LRRC7: variants seen among roughly 807,000 people sequenced by gnomAD.
The protein encoded by LRRC7 is leucine rich repeat containing 7, also known as leucine-rich repeat-containing protein 7.
Under a neutral mutation model 175.7 loss-of-function variants are expected in LRRC7, and 23 were observed. The ratio of observed to expected loss-of-function variants is 0.13; its 90% CI spans 0.09 to 0.19. The LOEUF (loss-of-function observed/expected upper bound fraction) is 0.19, where lower values mean the gene tolerates loss of function less well. LRRC7 is among the 10% of genes least tolerant of loss of function. The pLI is 1.00. For synonymous variants in LRRC7, 685 were observed against 680.9 expected (o/e 1.01, Z -0.09); for missense variants, 1,354 against 1,904.7 (o/e 0.71, Z 5.38).
At chr1:70,030,328 C>G (rs1224599319) in intron 18 of LRRC7, among the ~76,000 whole-genome samples, 2 of 152,166 alleles carry the variant, frequency 1.3e-5, no homozygotes, top group Non-Finnish European at 2.9e-5. Flanking sequence ...CCTTTCCTAG[C>G]TTTCTTCTAC....
At chr1:69,621,783 C>A (rs1650652753) in intron 1 of LRRC7, among the ~76,000 whole-genome samples, 1 of 152,156 alleles carries the variant, frequency 6.6e-6, no homozygotes, top group Non-Finnish European at 1.5e-5. Context: ...TTTCCCTAAA[C>A]CCTTACTGGA....
intron 2 of LRRC7, among the ~76,000 whole-genome samples, chr1:69,733,799 G>A (rs1379808691): frequency 6.6e-6 from 1 of 151,910 alleles, no homozygotes; most frequent in Non-Finnish European, 1.5e-5. Context: ...AAGGCATTTG[G>A]CTCTCTGCAT....
chr1:70,088,213 T>C (rs899710603), intron 24 of LRRC7, among the ~76,000 whole-genome samples: 2 of 152,194 alleles, frequency 1.3e-5, no homozygotes, highest in Admixed American at 6.6e-5. Context: ...ATCTTTTGCC[T>C]GCTAACCTTT....
intron 1 of LRRC7, among the ~76,000 whole-genome samples, chr1:69,641,326 CTTTAAG>C (rs1316802986): frequency 7.3e-5 from 11 of 151,576 alleles, no homozygotes; most frequent in Admixed American, 7.2e-4. Context: ...ATGGGCAGTA[CTTTAAG>C]TTTGTCTTCT....
chr1:69,700,474 T>TAGAAGAACAC (rs985193515), intron 2 of LRRC7, among the ~76,000 whole-genome samples: 2 of 152,222 alleles, frequency 1.3e-5, no homozygotes, highest in African/African-American at 4.8e-5. Context: ...ACTTATAGTA[T>TAGAAGAACAC]CCTGTTCTTC....
At chr1:69,974,569 GA>G in intron 8 of LRRC7, among the ~76,000 whole-genome samples, 1 of 152,284 alleles carries the variant, frequency 6.6e-6, no homozygotes, top group African/African-American at 2.4e-5. Flanking sequence ...AAGTAGCATA[GA>G]AAAATGTGAT....
At chr1:69,798,003 C>T (rs1196748576) in intron 4 of LRRC7, among the ~76,000 whole-genome samples, 1 of 152,096 alleles carries the variant, frequency 6.6e-6, no homozygotes, top group Non-Finnish European at 1.5e-5. Context: ...CTCACTGCAA[C>T]CTCTGCCTCT....
At chr1:70,108,462 C>G (rs1665292319) in intron 26 of LRRC7, among the ~76,000 whole-genome samples, 1 of 152,156 alleles carries the variant, frequency 6.6e-6, no homozygotes, top group African/African-American at 2.4e-5. Context: ...TCTGAATTCA[C>G]TGTCTTTAAT....
At chr1:69,780,559 G>A (rs1434342266) in intron 3 of LRRC7, among the ~76,000 whole-genome samples, 1 of 152,036 alleles carries the variant, frequency 6.6e-6, no homozygotes, top group African/African-American at 2.4e-5. Flanking sequence ...GGTAAATGAT[G>A]TCACAATTGG....
intron 7 of LRRC7, among the ~76,000 whole-genome samples, chr1:69,929,521 C>T (rs1156638484): frequency 2.0e-5 from 3 of 152,196 alleles, no homozygotes; most frequent in Non-Finnish European, 4.4e-5. Flanking sequence ...CTTATCTTAA[C>T]TATATCCAGA....
chr1:70,066,901 G>A (rs1312817626), intron 23 of LRRC7, among the ~76,000 whole-genome samples: 3 of 151,998 alleles, frequency 2.0e-5, no homozygotes, highest in Non-Finnish European at 4.4e-5. Context: ...TTTGGTGTTG[G>A]CACTGTGTTT....
intron 25 of LRRC7, among the ~76,000 whole-genome samples, chr1:70,106,205 A>C (rs1426116414): frequency 6.6e-6 from 1 of 152,182 alleles, no homozygotes; most frequent in East Asian, 1.9e-4. Flanking sequence ...CAATTAAGTG[A>C]TTTTTATGTG....
Position 69,986,094 on chromosome 1 carries a change from A to G in LRRC7, c.787-148A>G, listed in dbSNP as rs375738949. 2.0e-5 allele frequency: 14 copies of G among 698,868 alleles called. 1 individual carries two copies. The highest frequency in any genetic ancestry group is 1.7e-4 in the East Asian group (6 of 36,138). The allele number at this position is 698,868 out of a possible 1,614,324, so 43.3% of individuals were successfully genotyped here. On this transcript the variant is annotated intron_variant, in intron 9 of 26. Transcript: ENST00000651989. ...TTTACATTCCTACTAGCAATGTTTG[A>G]AGTTTACAATTCCTCCACATTCTTG...
intron 4 of LRRC7, among the ~76,000 whole-genome samples, chr1:69,801,743 T>C (rs1676523552): frequency 6.6e-6 from 1 of 150,984 alleles, no homozygotes; most frequent in Non-Finnish European, 1.5e-5. Flanking sequence ...TTTTTATTTC[T>C]TTTCTTGTGC....
intron 9 of LRRC7, among the ~76,000 whole-genome samples, chr1:69,986,011 T>A (rs1232361002): frequency 6.6e-6 from 1 of 152,214 alleles, no homozygotes; most frequent in Non-Finnish European, 1.5e-5. Flanking sequence ...TATAACCCTA[T>A]TTATTGTTGA....
At chr1:69,773,949 T>G (rs1054638115) in intron 3 of LRRC7, among the ~76,000 whole-genome samples, 1 of 151,784 alleles carries the variant, frequency 6.6e-6, no homozygotes, top group African/African-American at 2.4e-5. Context: ...AGCCCAAGAG[T>G]TCAAGACTGC....
chr1:69,828,625 G>A (rs1335280277), intron 5 of LRRC7, among the ~76,000 whole-genome samples: 1 of 151,966 alleles, frequency 6.6e-6, no homozygotes, highest in African/African-American at 2.4e-5. Context: ...ACAATTAATA[G>A]ATTAGAAAGA....
At chr1:70,091,467 T>C (rs1366853224) in intron 25 of LRRC7, among the ~76,000 whole-genome samples, 2 of 152,194 alleles carry the variant, frequency 1.3e-5, no homozygotes, top group Non-Finnish European at 2.9e-5. Flanking sequence ...CATATTTTTC[T>C]GTTCTTTCTC....
At chr1:70,068,486 G>A (rs1662138226) in intron 23 of LRRC7, among the ~76,000 whole-genome samples, 1 of 151,830 alleles carries the variant, frequency 6.6e-6, no homozygotes, top group Admixed American at 6.6e-5. Context: ...TTTATATATT[G>A]CTAAATTTTC....
Sources: allele counts gnomAD v4.1 joint callset (sites outside exome capture counted in the v4.1 genomes callset), GRCh38; gene constraint gnomAD v4.1.1; transcripts MANE v1.5; gene names NCBI Gene and HGNC (gene_info 2026-07-23, HGNC 2026-07-21).